The following AGBL1 variants were observed in gnomAD, a reference collection of about 807,000 sequenced individuals.
AGBL1 encodes the protein cytosolic carboxypeptidase 4.
Under a neutral mutation model 118.9 loss-of-function variants are expected in AGBL1, and 130 were observed. The ratio of observed to expected loss-of-function variants is 1.09; its 90% CI spans 0.95 to 1.26. AGBL1 has a LOEUF of 1.26. Among genes scored for constraint, AGBL1 ranks in the 50% most tolerant of loss-of-function variants. The probability of loss-of-function intolerance (pLI) is 0.00; values close to 1 mark genes in which losing one functional copy is unlikely to be tolerated. For synonymous variants in AGBL1, 555 were observed against 478.9 expected (o/e 1.16, Z -2.08); for missense variants, 1,584 against 1,298.1 (o/e 1.22, Z -3.38).
At chr15:86,153,017 G>A (rs1174545764) in intron 3 of AGBL1, among the ~76,000 whole-genome samples, 5 of 152,152 alleles carry the variant, frequency 3.3e-5, no homozygotes, top group African/African-American at 1.2e-4. Flanking sequence ...AACAACAGAT[G>A]CTGGGGAGGA....
At chr15:86,746,351 T>G (rs970282249) in intron 22 of AGBL1, among the ~76,000 whole-genome samples, 2 of 152,122 alleles carry the variant, frequency 1.3e-5, no homozygotes, top group African/African-American at 4.8e-5. Flanking sequence ...ACCTTGCTAT[T>G]CCCAGTTCCT....
chr15:86,482,795 A>G (rs1028170838), intron 18 of AGBL1, among the ~76,000 whole-genome samples: 2 of 151,920 alleles, frequency 1.3e-5, no homozygotes, highest in African/African-American at 4.8e-5. Flanking sequence ...TTTTTCAATC[A>G]TTTTGCTTTA....
intron 5 of AGBL1, among the ~76,000 whole-genome samples, chr15:86,215,929 A>AT (rs1465122811): frequency 6.6e-6 from 1 of 152,016 alleles, no homozygotes; most frequent in African/African-American, 2.4e-5. Flanking sequence ...CTTTAGCAAT[A>AT]TTTTTTCAAG....
At chr15:86,559,800 G>A (rs1019102476) in intron 21 of AGBL1, among the ~76,000 whole-genome samples, 5 of 152,068 alleles carry the variant, frequency 3.3e-5, no homozygotes, top group Admixed American at 2.0e-4. Context: ...AGACAGATAT[G>A]TTGCTGGGAT....
At chr15:86,727,497 T>G (rs1446007048) in intron 22 of AGBL1, among the ~76,000 whole-genome samples, 1 of 152,208 alleles carries the variant, frequency 6.6e-6, no homozygotes, top group South Asian at 2.1e-4. Context: ...TAGTCCTTGC[T>G]GGATAAAAGA....
intron 18 of AGBL1, among the ~76,000 whole-genome samples, chr15:86,509,646 C>G (rs899018381): frequency 2.0e-5 from 3 of 150,404 alleles, no homozygotes; most frequent in Admixed American, 6.7e-5. Context: ...GATAATAAAT[C>G]TTAGACAATT....
intron 22 of AGBL1, among the ~76,000 whole-genome samples, chr15:86,875,028 A>G (rs1164654861): frequency 6.6e-6 from 1 of 152,160 alleles, no homozygotes; most frequent in Non-Finnish European, 1.5e-5. Context: ...TCAGAAAACA[A>G]AGAGATCATA....
intron 21 of AGBL1, among the ~76,000 whole-genome samples, chr15:86,585,042 A>G (rs931306824): frequency 1.3e-5 from 2 of 152,106 alleles, no homozygotes; most frequent in African/African-American, 4.8e-5. Flanking sequence ...TTTGTATCCT[A>G]AAACTTTACT....
intron 1 of AGBL1, among the ~76,000 whole-genome samples, chr15:86,126,077 C>A (rs367669244): frequency 7.9e-5 from 12 of 152,004 alleles, no homozygotes; most frequent in African/African-American, 2.9e-4. Context: ...AATCTTTGAT[C>A]GTTGAAGACT....
chr15:86,825,272 T>A (rs929722889), intron 22 of AGBL1, among the ~76,000 whole-genome samples: 1 of 151,336 alleles, frequency 6.6e-6, no homozygotes, highest in Admixed American at 6.6e-5. Flanking sequence ...TTAGTCTTGA[T>A]ACCAAAAGCA....
At chr15:86,467,103 G>A (rs563568778) in intron 18 of AGBL1, among the ~76,000 whole-genome samples, 106 of 152,348 alleles carry the variant, frequency 7.0e-4, no homozygotes, top group African/African-American at 2.5e-3. Flanking sequence ...GTCTCTCCCA[G>A]GGAGGTGGGA....
intron 22 of AGBL1, among the ~76,000 whole-genome samples, chr15:86,757,135 A>T (rs930331949): frequency 1.3e-5 from 2 of 152,098 alleles, no homozygotes; most frequent in African/African-American, 4.8e-5. Flanking sequence ...GAATGTCTAG[A>T]CAAGTTTATT....
chr15:86,670,425 G>A (rs1007724714), intron 21 of AGBL1, among the ~76,000 whole-genome samples: 6 of 151,856 alleles, frequency 4.0e-5, no homozygotes, highest in African/African-American at 1.5e-4. Context: ...CCAAGGTGGT[G>A]AAACCCTGTC....
intron 10 of AGBL1, among the ~76,000 whole-genome samples, chr15:86,263,761 A>G (rs980090729): frequency 6.6e-6 from 1 of 152,140 alleles, no homozygotes; most frequent in African/African-American, 2.4e-5. Context: ...TTATTTTCTT[A>G]TGGCTCTTAG....
rs868686663 is a variant in AGBL1 at position 86,885,806 on chromosome 15, C to T, written c.3159-21281C>T. Among the ~76,000 whole-genome samples, 11 of 152,286 alleles carry T rather than the reference C, an allele frequency of 7.2e-5. No homozygotes were observed. The South Asian group carries it at 2.1e-3, about 29-fold the overall frequency. ...GCCCAAGAGCCATCTGGTTTTCTTC[C>T]TACAACTGAGACTGAAATTCATTGC... On this transcript the variant is annotated intron_variant, in intron 22 of 22. Coordinates refer to ENST00000614907, the MANE Select transcript of AGBL1 (RefSeq NM_001386094.1).
chr15:87,024,236 G>C (rs1260647643), intron 24 of AGBL1, among the ~76,000 whole-genome samples: 1 of 151,840 alleles, frequency 6.6e-6, no homozygotes, highest in Admixed American at 6.6e-5. Context: ...TAGACCATTA[G>C]CAAGATTAAC....
chr15:86,910,931 G>T lies in AGBL1; in HGVS notation c.*3637G>T, dbSNP rs1366169557. The T allele has an allele frequency of 1.3e-5, 2 of 152,138 alleles. No individual in the cohort carries two copies. The highest frequency in any genetic ancestry group is 2.9e-5 in the Non-Finnish European group (2 of 68,052). The allele number at this position is 152,138 out of a possible 1,614,324, so 9.4% of individuals were successfully genotyped here. On this transcript the variant is annotated 3_prime_UTR_variant, in exon 23 of 23. Coordinates refer to ENST00000614907, the MANE Select transcript of AGBL1 (RefSeq NM_001386094.1). ...CACCAGTCTTCCATCCAGAGTTAGAGGGTACTTACTTGAGAGTTAACTCTC... is the reference window on the plus strand; with the variant it reads ...CACCAGTCTTCCATCCAGAGTTAGATGGTACTTACTTGAGAGTTAACTCTC...
At chr15:86,986,957 A>C (rs940304587) in intron 23 of AGBL1, among the ~76,000 whole-genome samples, 4 of 151,758 alleles carry the variant, frequency 2.6e-5, no homozygotes, top group Non-Finnish European at 4.4e-5. Flanking sequence ...GTAAAGGAAA[A>C]TTACAGTCAA....
chr15:86,772,448 A>G (rs2078195344), intron 22 of AGBL1, among the ~76,000 whole-genome samples: 1 of 152,194 alleles, frequency 6.6e-6, no homozygotes, highest in Admixed American at 6.5e-5. Context: ...TCATATAGAA[A>G]TTTCAATTAG....
Sources: allele counts gnomAD v4.1 joint callset (sites outside exome capture counted in the v4.1 genomes callset), GRCh38; gene constraint gnomAD v4.1.1; transcripts MANE v1.5; gene names NCBI Gene and HGNC (gene_info 2026-07-23, HGNC 2026-07-21).